Variants in INPP5J observed in about 807,000 individuals in gnomAD.
INPP5J encodes the protein phosphatidylinositol 4,5-bisphosphate 5-phosphatase A.
INPP5J carries 75 observed loss-of-function variants against 86.6 expected under a neutral mutation model. That is an observed-to-expected ratio of 0.87 (90% CI 0.72 to 1.05). The LOEUF (loss-of-function observed/expected upper bound fraction) is 1.05, where lower values mean the gene tolerates loss of function less well. Among genes scored for constraint, INPP5J ranks in the 50% least tolerant of loss-of-function variants. INPP5J has a pLI of 0.00. For missense variants in INPP5J, 1,229 were observed against 1,341.2 expected, an observed-to-expected ratio of 0.92 and a Z score of 1.31; for synonymous variants, 540 against 550.0, an observed-to-expected ratio of 0.98 and a Z score of 0.25.
chr22:31,131,570 A>G (rs1294181346), intron 9 of INPP5J, among the ~76,000 whole-genome samples: 2 of 152,102 alleles, frequency 1.3e-5, no homozygotes, highest in Non-Finnish European at 2.9e-5. Context: ...CTCAAAAAAA[A>G]AAAAAAAATT....
Position 31,125,217 on chromosome 22 carries a change from G to T in INPP5J, c.478G>T (p.Ala160Ser), listed in dbSNP as rs1014736966. The change falls in exon 2 of 13, where the codon GCC becomes TCC. Residue 160 changes from alanine (A) to serine (S), a missense_variant. Physicochemically the swap from Ala to Ser is moderately conservative, Grantham distance 99. Coordinates refer to ENST00000331075, the MANE Select transcript of INPP5J (RefSeq NM_001284285.2). ...CCCAGTCACCCTGGGGCCCAATCTG[G>T]CCCCAACCTCCAGAGACCAGAAGCA... The part of the protein sequence containing the change: ...SPPVTLGPNL[A>S]PTSRDQKQEP... The T allele has an allele frequency of 5.2e-6, 8 of 1,550,494 alleles. No homozygotes were observed. The highest frequency in any genetic ancestry group is 7.0e-6 in the Non-Finnish European group (8 of 1,146,958).
Position 31,134,091 on chromosome 22 carries a change from C to A in INPP5J, c.2693C>A (p.Ala898Asp). The change falls in exon 13 of 13, where the codon GCC becomes GAC. Residue 898 changes from alanine (A) to aspartate (D), a missense_variant. Physicochemically the swap from Ala to Asp is moderately radical, Grantham distance 126. Transcript: ENST00000331075. ...SPGLARFPGL[A>D]LRPSSRERRG... ...GGACTGGCCAGGTTCCCTGGGCTTG[C>A]CCTACGGCCCTCATCCCGTGAACGC... 6.4e-7 allele frequency: 1 copy of A among 1,558,400 alleles called. No homozygotes were observed. Among genetic ancestry groups the A allele is most frequent in the Non-Finnish European group, 8.7e-7 (1 of 1,151,928 alleles).
intron 10 of INPP5J, 47 bp from the exon 11 acceptor site, chr22:31,133,359 A>C (rs1366144172): frequency 1.2e-6 from 2 of 1,605,922 alleles, no homozygotes; most frequent in African/African-American, 1.3e-5. Flanking sequence ...TGCTGGGATC[A>C]GACATTATAG....
chr22:31,133,036 G>C, intron 9 of INPP5J, 62 bp from the exon 10 acceptor site: 1 of 1,548,100 alleles, frequency 6.5e-7, no homozygotes, highest in Non-Finnish European at 8.7e-7. Context: ...AGAGCCTTAA[G>C]TGTGTGGGAT....
intron 11 of INPP5J, 39 bp downstream of exon 11, chr22:31,133,522 T>C: frequency 6.2e-7 from 1 of 1,605,460 alleles, no homozygotes; most frequent in Non-Finnish European, 8.5e-7. Flanking sequence ...CAAGTCCTTG[T>C]TGCCTTTGGG....
chr22:31,128,191 C>T (rs1274900493), intron 7 of INPP5J, 23 bp from the exon 8 acceptor site: 1 of 1,548,724 alleles, frequency 6.5e-7, no homozygotes, highest in African/African-American at 1.4e-5. Flanking sequence ...GTTGTCCAAT[C>T]TGCTCTCCTG....
rs1921376275 is a variant in INPP5J, at chr22:31,126,011, G to T, written c.1271+1G>T. Reference sequence around the variant, plus strand: ...CCTGGAAGAGCGACCCCGGCTTCCGGTGAGGGGGCCCTCTCCCAAGAAAGG... The same window carrying T: ...CCTGGAAGAGCGACCCCGGCTTCCGTTGAGGGGGCCCTCTCCCAAGAAAGG... On this transcript the variant is annotated splice_donor_variant, in intron 2 of 12. Transcript: ENST00000331075. LOFTEE classifies it high-confidence loss of function. The T allele has an allele frequency of 6.4e-7, 1 of 1,558,550 alleles. No individual in the cohort carries two copies. Among genetic ancestry groups the T allele is most frequent in the Non-Finnish European group, 8.7e-7 (1 of 1,151,202 alleles).
In INPP5J at chr22:31,125,972, G is replaced by T; in HGVS notation, c.1233G>T (p.Trp411Cys). Reference protein sequence around the residue: ...SSTSTLSSSPWSAQPTWKSDP... With the variant: ...SSTSTLSSSPCSAQPTWKSDP... ...CATCCACCCTGTCATCCTCCCCTTG[G>T]TCAGCTCAGCCTACCTGGAAGAGCG... Residue 411 changes from tryptophan to cysteine, a missense_variant, in exon 2 of 13, where the codon TGG (tryptophan) becomes TGT (cysteine). Coordinates refer to ENST00000331075, the MANE Select transcript of INPP5J (RefSeq NM_001284285.2). 1 of 1,600,870 alleles carries T rather than the reference G, an allele frequency of 6.2e-7. No homozygotes were observed.
At chr22:31,133,554 G>T (rs1602746058) in intron 11 of INPP5J, 56 bp from the exon 12 acceptor site, 1 of 1,584,926 alleles carries the variant, frequency 6.3e-7, no homozygotes, top group South Asian at 1.1e-5. Context: ...CACCTTGGGG[G>T]CTCTCAGGTG....
Position 31,133,205 on chromosome 22 carries a change from C to T in INPP5J, c.2301C>T (p.Arg767=), listed in dbSNP as rs1196083250. The T allele has an allele frequency of 6.2e-7, 1 of 1,605,090 alleles. No individual in the cohort carries two copies. Residue 767 remains arginine, a synonymous_variant, in exon 10 of 13, where the codon CGC becomes CGT. Coordinates refer to ENST00000331075, the MANE Select transcript of INPP5J (RefSeq NM_001284285.2). The stretch of plus-strand genomic sequence containing the variant: ...ACCGCATGGAAACAGTGTTCGCCCG[C>T]AGCTCCTGGGACTGGATCGGCTTAT... ...VRYRMETVFA[R]SSWDWIGLYR...
rs769490815 is a variant in INPP5J at position 31,123,057 on chromosome 22, C to A, written c.43C>A (p.Arg15=). The A allele has an allele frequency of 2.0e-6, 3 of 1,480,224 alleles. No individual in the cohort carries two copies. The African/African-American group carries it at 4.4e-5, about 22-fold the overall frequency. The allele number at this position is 1,480,224 out of a possible 1,614,324, so 91.7% of individuals were successfully genotyped here. Residue 15 remains arginine (R), a synonymous_variant, in exon 1 of 13, where the codon CGG becomes AGG. Coordinates refer to ENST00000331075, the MANE Select transcript of INPP5J (RefSeq NM_001284285.2). ...CAGGGGCAGCAGGAGGCCAGGGACCCGGGCTGGCCTGGGTTCCCTGCCCAT... is the reference window on the plus strand; with the variant it reads ...CAGGGGCAGCAGGAGGCCAGGGACCAGGGCTGGCCTGGGTTCCCTGCCCAT... ...SSRGSRRPGT[R]AGLGSLPMPQ...
At chr22:31,132,565 C>T (rs189058828) in intron 9 of INPP5J, among the ~76,000 whole-genome samples, 203 of 152,074 alleles carry the variant, frequency 1.3e-3, no homozygotes, top group Non-Finnish European at 2.3e-3. Context: ...CATGGTGAAA[C>T]GCTGCCTCTA....
chr22:31,130,513 C>CAA (rs753550517), intron 9 of INPP5J, among the ~76,000 whole-genome samples: 1 of 108,820 alleles, frequency 9.2e-6, no homozygotes, highest in Non-Finnish European at 1.9e-5. Flanking sequence ...GACCTTGTCT[C>CAA]AAAAAAAAAA....
chr22:31,128,918 A>G (rs1262959724), intron 9 of INPP5J, among the ~76,000 whole-genome samples: 1 of 144,486 alleles, frequency 6.9e-6, no homozygotes, highest in Non-Finnish European at 1.5e-5. Context: ...TTCAGAGCCC[A>G]TGCCTTTTCT....
chr22:31,125,854 G>C lies in INPP5J; in HGVS notation c.1115G>C (p.Arg372Thr), dbSNP rs1368635188. The C allele has an allele frequency of 1.2e-6, 2 of 1,610,962 alleles. No individual in the cohort carries two copies. The change falls in exon 2 of 13, where the codon AGG (arginine) becomes ACG (threonine). Residue 372 changes from arginine (R) to threonine (T), a missense_variant. Coordinates refer to ENST00000331075, the MANE Select transcript of INPP5J (RefSeq NM_001284285.2). ...VPPAPDMALP[R>T]LGTQSTGPGR... is the part of the protein sequence containing the mutation. ...CCAGCCCCTGACATGGCCCTCCCAA[G>C]GCTTGGCACACAGAGTACAGGGCCT...
intron 9 of INPP5J, among the ~76,000 whole-genome samples, chr22:31,129,439 C>T (rs1003900231): frequency 6.6e-6 from 1 of 150,670 alleles, no homozygotes; most frequent in Non-Finnish European, 1.5e-5. Context: ...AGGGTTTCAC[C>T]GTGTTGGCCA....
Position 31,134,514 on chromosome 22 carries a change from C to T in INPP5J, c.*95C>T. The T allele has an allele frequency of 7.8e-7, 1 of 1,274,828 alleles. No individual in the cohort carries two copies. The highest frequency in any genetic ancestry group is 1.0e-6 in the Non-Finnish European group (1 of 962,510). 79.0% of individuals were successfully genotyped at this position (1,274,828 alleles called of 1,614,324 possible). A position where few individuals can be genotyped will look rare whatever the true frequency, so the allele number is the denominator to read the frequency against. On this transcript the variant is annotated 3_prime_UTR_variant, in exon 13 of 13. Coordinates refer to ENST00000331075, the MANE Select transcript of INPP5J (RefSeq NM_001284285.2). ...TCTCCTGCTGCTCCTCCAGCTGTAT[C>T]TGCACCTGCCTCTCTGTCCTGGCCA...
At chr22:31,126,123 T>C (rs1452794378) in intron 2 of INPP5J, 113 bp downstream of exon 2, 1 of 1,128,322 alleles carries the variant, frequency 8.9e-7, no homozygotes. Context: ...GAAGAGTCTT[T>C]GGGGAGGGGG....
chr22:31,123,165 T>G, intron 1 of INPP5J, 46 bp downstream of exon 1: 1 of 1,191,784 alleles, frequency 8.4e-7, no homozygotes, highest in Admixed American at 3.7e-5. Context: ...TGATCCCTGG[T>G]TCCACACACC....
Sources: gnomAD v4.1 joint callset for allele counts (sites outside exome capture counted in the v4.1 genomes callset) on GRCh38, gnomAD v4.1.1 for gene constraint, MANE v1.5 for transcripts, NCBI Gene and HGNC (gene_info 2026-07-23, HGNC 2026-07-21) for gene names.